PPM1H: variants seen among roughly 807,000 people sequenced by gnomAD.
PPM1H encodes the protein protein phosphatase 1H.
In PPM1H, 27 loss-of-function variants were observed where a neutral mutation model predicts 54.9. That is an observed-to-expected ratio of 0.49 (90% CI 0.36 to 0.68). PPM1H has a LOEUF of 0.68. PPM1H is among the 30% of genes least tolerant of loss of function. The pLI, the probability that PPM1H is intolerant of heterozygous loss-of-function variation, is 0.00. For missense variants in PPM1H, 596 were observed against 667.8 expected (o/e 0.89, Z 1.19); for synonymous variants, 305 against 270.8 (o/e 1.13, Z -1.24).
intron 2 of PPM1H, among the ~76,000 whole-genome samples, chr12:62,802,730 C>A (rs1302405187): frequency 6.6e-6 from 1 of 152,070 alleles, no homozygotes; most frequent in Non-Finnish European, 1.5e-5. Context: ...CAGGCGCGTG[C>A]CACCACACCA....
chr12:62,665,097 G>C (rs1004383608), intron 9 of PPM1H, among the ~76,000 whole-genome samples: 3 of 151,970 alleles, frequency 2.0e-5, no homozygotes, highest in Admixed American at 2.0e-4. Flanking sequence ...ACCCAGGCTG[G>C]AGTGCAGTGG....
intron 8 of PPM1H, among the ~76,000 whole-genome samples, chr12:62,689,386 A>T (rs1014300544): frequency 1.3e-5 from 2 of 152,222 alleles, no homozygotes; most frequent in African/African-American, 4.8e-5. Flanking sequence ...CTGGGCTGCC[A>T]TTGAAGGTTT....
intron 6 of PPM1H, among the ~76,000 whole-genome samples, chr12:62,698,437 G>A (rs1460589431): frequency 6.6e-6 from 1 of 152,070 alleles, no homozygotes; most frequent in East Asian, 1.9e-4. Context: ...CTATCTCAAA[G>A]TTTCCTTTTC....
At chr12:62,779,369 A>G (rs2076629055) in intron 4 of PPM1H, among the ~76,000 whole-genome samples, 1 of 152,216 alleles carries the variant, frequency 6.6e-6, no homozygotes, top group African/African-American at 2.4e-5. Context: ...TTTCATGGAC[A>G]CCTTGAAAAA....
chr12:62,833,633 G>A (rs1190597676), intron 1 of PPM1H, among the ~76,000 whole-genome samples: 1 of 152,176 alleles, frequency 6.6e-6, no homozygotes, highest in Non-Finnish European at 1.5e-5. Context: ...AATAGGAAAT[G>A]GAAAGCAAAT....
intron 8 of PPM1H, among the ~76,000 whole-genome samples, chr12:62,689,348 A>G (rs150306528): frequency 2.5e-4 from 38 of 152,328 alleles, no homozygotes; most frequent in Admixed American, 3.3e-4. Context: ...CACCAAGTGA[A>G]TGGGAGTCTG....
At chr12:62,862,826 T>C (rs374046947) in intron 1 of PPM1H, among the ~76,000 whole-genome samples, 8 of 152,328 alleles carry the variant, frequency 5.3e-5, no homozygotes, top group African/African-American at 1.2e-4. Context: ...AAAACACCAA[T>C]TTATCCTTTA....
intron 1 of PPM1H, among the ~76,000 whole-genome samples, chr12:62,861,189 C>T (rs1003153887): frequency 5.9e-5 from 9 of 152,162 alleles, no homozygotes; most frequent in African/African-American, 2.2e-4. Flanking sequence ...AGCTATGGGC[C>T]TCATTTCTCT....
chr12:62,813,580 C>G (rs530947373), intron 2 of PPM1H, among the ~76,000 whole-genome samples: 2 of 152,264 alleles, frequency 1.3e-5, no homozygotes, highest in Admixed American at 1.3e-4. Flanking sequence ...TAGTAGACAA[C>G]AGGTTAAAAA....
At chr12:62,794,904 G>A (rs11174653) in intron 3 of PPM1H, among the ~76,000 whole-genome samples, 3,796 of 152,188 alleles carry the variant, frequency 0.025, 156 homozygotes, top group African/African-American at 0.087. Flanking sequence ...GAAGTCAGTC[G>A]GAAAATTCCT....
At chr12:62,899,185 T>TTTTAA (rs1871084205) in intron 1 of PPM1H, among the ~76,000 whole-genome samples, 1 of 152,170 alleles carries the variant, frequency 6.6e-6, no homozygotes, top group Admixed American at 6.5e-5. Flanking sequence ...AACTCCTAGG[T>TTTTAA]GCACTTTTGT....
chr12:62,658,182 A>ATTT (rs1173229360), intron 9 of PPM1H, among the ~76,000 whole-genome samples: 962 of 87,476 alleles, frequency 0.011, 48 homozygotes, highest in African/African-American at 0.033. Context: ...AACACGGTGA[A>ATTT]TTTTTTTTTT....
At chr12:62,736,759 T>C (rs915227647) in intron 5 of PPM1H, among the ~76,000 whole-genome samples, 2 of 152,214 alleles carry the variant, frequency 1.3e-5, no homozygotes, top group African/African-American at 4.8e-5. Flanking sequence ...AGAAAATATT[T>C]CATCCACAGA....
At chr12:62,833,772 T>A (rs1382718480) in intron 1 of PPM1H, among the ~76,000 whole-genome samples, 4 of 152,310 alleles carry the variant, frequency 2.6e-5, no homozygotes, top group African/African-American at 9.6e-5. Context: ...TACACATTTT[T>A]AAAAAATGCA....
chr12:62,893,208 C>T (rs932523451), intron 1 of PPM1H, among the ~76,000 whole-genome samples: 1 of 152,198 alleles, frequency 6.6e-6, no homozygotes, highest in Non-Finnish European at 1.5e-5. Flanking sequence ...TACTAACTGG[C>T]TGTATTTATT....
At chr12:62,694,609 A>AGCGGAG (rs1351416545) in intron 6 of PPM1H, among the ~76,000 whole-genome samples, 1 of 152,228 alleles carries the variant, frequency 6.6e-6, no homozygotes, top group Non-Finnish European at 1.5e-5. Context: ...CAGCCTGCAC[A>AGCGGAG]GCGGAGGCGG....
intron 6 of PPM1H, among the ~76,000 whole-genome samples, chr12:62,714,216 T>G (rs1358979880): frequency 6.6e-6 from 1 of 152,172 alleles, no homozygotes; most frequent in Non-Finnish European, 1.5e-5. Context: ...ACTCGGGAAA[T>G]AAATTTTTAA....
At chr12:62,852,228 CAAAAAAAA>C (rs59673617) in intron 1 of PPM1H, among the ~76,000 whole-genome samples, 1 of 60,404 alleles carries the variant, frequency 1.7e-5, no homozygotes, top group East Asian at 5.0e-4. Context: ...GACTCTGTCT[CAAAAAAAA>C]AAAAAAAAAA....
chr12:62,767,349 G>T lies in PPM1H; in HGVS notation c.869+20877C>A, dbSNP rs1306527887. 2.0e-5 allele frequency among the ~76,000 whole-genome samples: 3 copies of T among 152,112 alleles called. No individual in the cohort carries two copies. The East Asian group carries it at 5.8e-4, about 29-fold the overall frequency. ...CAGTGAAGGGGAGGGAGGGGGAAGGGAAATCCTAGAGGCCGAGCAGAGAGA... is the reference window on the plus strand; with the variant it reads ...CAGTGAAGGGGAGGGAGGGGGAAGGTAAATCCTAGAGGCCGAGCAGAGAGA... On this transcript the variant is annotated intron_variant, in intron 4 of 9. Coordinates refer to ENST00000228705, the MANE Select transcript of PPM1H (RefSeq NM_020700.2).
Sources: allele counts gnomAD v4.1 joint callset (sites outside exome capture counted in the v4.1 genomes callset), GRCh38; gene constraint gnomAD v4.1.1; transcripts MANE v1.5; gene names NCBI Gene and HGNC (gene_info 2026-07-23, HGNC 2026-07-21).